The following NF2 variants were observed in gnomAD, a reference collection of about 807,000 sequenced individuals.
The protein encoded by NF2 is NF2, moesin-ezrin-radixin like (MERLIN) tumor suppressor.
In NF2, 8 loss-of-function variants were observed where a neutral mutation model predicts 83.7. The ratio of observed to expected loss-of-function variants is 0.10; its 90% CI spans 0.06 to 0.17. The LOEUF is 0.17. Among genes scored for constraint, NF2 ranks in the 10% least tolerant of loss-of-function variants. The pLI is 1.00. For synonymous variants in NF2, 266 were observed against 269.6 expected, an observed-to-expected ratio of 0.99 and a Z score of 0.13; for missense variants, 533 against 744.4, an observed-to-expected ratio of 0.72 and a Z score of 3.31.
chr22:29,682,843 C>A, intron 15 of NF2: 1 of 719,978 alleles, frequency 1.4e-6, no homozygotes, highest in Non-Finnish European at 2.4e-6. Context: ...GCAGTGCCCT[C>A]AGCCACAGAA....
intron 3 of NF2, among the ~76,000 whole-genome samples, chr22:29,640,039 AC>A (rs2065763074): frequency 5.3e-5 from 8 of 150,982 alleles, no homozygotes; most frequent in Admixed American, 4.6e-4. Flanking sequence ...TACTAAAAAT[AC>A]AAAAATTAGC....
chr22:29,611,797 T>C (rs1175265169), intron 1 of NF2, among the ~76,000 whole-genome samples: 1 of 152,160 alleles, frequency 6.6e-6, no homozygotes, highest in East Asian at 1.9e-4. Flanking sequence ...GGTTATAGGA[T>C]ACAAGATCAT....
intron 1 of NF2, among the ~76,000 whole-genome samples, chr22:29,630,111 A>G (rs1344132492): frequency 6.6e-6 from 1 of 152,178 alleles, no homozygotes; most frequent in Non-Finnish European, 1.5e-5. Context: ...AAAGCAAAAA[A>G]CAAATAGCAG....
intron 6 of NF2, 41 bp from the exon 7 acceptor site, chr22:29,658,148 T>G: frequency 1.3e-6 from 2 of 1,591,998 alleles, no homozygotes; most frequent in Non-Finnish European, 1.7e-6. Flanking sequence ...TCCACCCATC[T>G]CACTTAGCTC....
intron 1 of NF2, among the ~76,000 whole-genome samples, chr22:29,625,805 T>C (rs2065351937): frequency 6.6e-6 from 1 of 152,242 alleles, no homozygotes. Flanking sequence ...CAGCCTTTTC[T>C]CTTCCAACTC....
chr22:29,644,526 G>A (rs1302195586), intron 4 of NF2, among the ~76,000 whole-genome samples: 1 of 151,680 alleles, frequency 6.6e-6, no homozygotes, highest in Non-Finnish European at 1.5e-5. Context: ...GGTGGCGGCC[G>A]GGCAGAGGCT....
chr22:29,632,489 G>GT lies in NF2; in HGVS notation c.115-4257dup, dbSNP rs563838038. 1.2e-4 allele frequency among the ~76,000 whole-genome samples: 18 copies of GT among 152,274 alleles called. No homozygotes were observed. In the East Asian group the frequency reaches 3.5e-3, roughly 29 times the overall value. On this transcript the variant is annotated intron_variant, in intron 1 of 15. Coordinates refer to ENST00000338641, the MANE Select transcript of NF2 (RefSeq NM_000268.4). ...ATAGTGCTGAAAGCCCACTCCTGGGGTTTTTATGTGTGCGATGAAGGAGGT... is the reference window on the plus strand; with the variant it reads ...ATAGTGCTGAAAGCCCACTCCTGGGGTTTTTTATGTGTGCGATGAAGGAGGT...
intron 1 of NF2, among the ~76,000 whole-genome samples, chr22:29,616,802 G>A (rs1012004544): frequency 1.3e-5 from 2 of 152,028 alleles, no homozygotes; most frequent in African/African-American, 2.4e-5. Context: ...ACAAAAATAG[G>A]TGGTGGGTTG....
chr22:29,666,891 G>A (rs1389543138), intron 9 of NF2, among the ~76,000 whole-genome samples: 3 of 151,966 alleles, frequency 2.0e-5, no homozygotes, highest in African/African-American at 4.8e-5. Flanking sequence ...GCAGGAGATC[G>A]CTTGAACCCA....
In NF2 at chr22:29,696,948, C is replaced by T. The variant is rs2067569412; in HGVS notation, c.*2146C>T. 1 of 182,490 alleles carries T rather than the reference C, an allele frequency of 5.5e-6. No homozygotes were observed. The highest frequency in any genetic ancestry group is 6.3e-5 in the Admixed American group (1 of 15,956). 11.3% of individuals were successfully genotyped at this position (182,490 alleles called of 1,614,324 possible). On this transcript the variant is annotated 3_prime_UTR_variant, in exon 16 of 16. Transcript: ENST00000338641. ...TCTCCTGCCTCAGCCTCCCGAGTAG[C>T]TGGGACTACAGGCGTGTGCCACCAT... is the stretch of plus-strand genomic sequence containing the variant.
chr22:29,661,074 C>A, intron 7 of NF2, 131 bp from the exon 8 acceptor site: 2 of 1,309,062 alleles, frequency 1.5e-6, no homozygotes, highest in Non-Finnish European at 1.1e-6. Context: ...GTTTATAAGA[C>A]AGCTGTGACT....
At chr22:29,641,634 T>C (rs1008170084) in intron 3 of NF2, among the ~76,000 whole-genome samples, 1 of 152,222 alleles carries the variant, frequency 6.6e-6, no homozygotes, top group Non-Finnish European at 1.5e-5. Flanking sequence ...CAATGAAATA[T>C]GTTAATTCAA....
At chr22:29,655,716 C>CTTTTTTTTTTT in intron 6 of NF2, 40 bp downstream of exon 6, 1 of 1,182,468 alleles carries the variant, frequency 8.5e-7, no homozygotes, top group Non-Finnish European at 1.2e-6. Context: ...CCTTTATGGG[C>CTTTTTTTTTTT]TTTTTTTTTT....
chr22:29,681,954 A>G (rs535224263), intron 15 of NF2, among the ~76,000 whole-genome samples: 1 of 152,300 alleles, frequency 6.6e-6, no homozygotes, highest in South Asian at 2.1e-4. Flanking sequence ...AATGAAATGG[A>G]GGCTATTGAG....
intron 9 of NF2, 21 bp downstream of exon 9, chr22:29,665,085 TC>T: frequency 6.4e-7 from 1 of 1,570,960 alleles, no homozygotes; most frequent in Non-Finnish European, 8.8e-7. Flanking sequence ...ATCCTGGTTT[TC>T]ATTACTGATA....
chr22:29,660,253 A>AC (rs2066438770), intron 7 of NF2, among the ~76,000 whole-genome samples: 1 of 152,180 alleles, frequency 6.6e-6, no homozygotes, highest in African/African-American at 2.4e-5. Flanking sequence ...GCTGGCCAGG[A>AC]CCGCTGTCAG....
intron 7 of NF2, among the ~76,000 whole-genome samples, chr22:29,659,103 C>T (rs886898259): frequency 4.5e-4 from 69 of 152,292 alleles, no homozygotes; most frequent in African/African-American, 1.6e-3. Flanking sequence ...GTATGGATTA[C>T]ACTGCATAAG....
chr22:29,640,798 C>T (rs2065786832), intron 3 of NF2, among the ~76,000 whole-genome samples: 1 of 151,428 alleles, frequency 6.6e-6, no homozygotes, highest in Non-Finnish European at 1.5e-5. Flanking sequence ...TGTGCACGCG[C>T]AAAAGAGGTG....
intron 4 of NF2, among the ~76,000 whole-genome samples, chr22:29,646,582 G>A (rs2065987483): frequency 6.6e-6 from 1 of 152,174 alleles, no homozygotes; most frequent in Non-Finnish European, 1.5e-5. Flanking sequence ...TTAACACATG[G>A]AATGTAATTA....
Sources: gnomAD v4.1 joint callset for allele counts (sites outside exome capture counted in the v4.1 genomes callset) on GRCh38, gnomAD v4.1.1 for gene constraint, MANE v1.5 for transcripts, NCBI Gene and HGNC (gene_info 2026-07-23, HGNC 2026-07-21) for gene names.